The following SPDYA variants were observed in gnomAD, a reference collection of about 807,000 sequenced individuals.
SPDYA encodes the protein speedy/RINGO cell cycle regulator family member A, also known as speedy protein A.
In SPDYA, 11 loss-of-function variants were observed where a neutral mutation model predicts 36.7. The ratio of observed to expected loss-of-function variants is 0.30; its 90% CI spans 0.19 to 0.50. The LOEUF is 0.50. SPDYA is among the 20% of genes least tolerant of loss of function. The pLI, the probability that SPDYA is intolerant of heterozygous loss-of-function variation, is 0.98. For synonymous variants in SPDYA, 115 were observed against 118.7 expected, an observed-to-expected ratio of 0.97 and a Z score of 0.20; for missense variants, 287 against 370.9, an observed-to-expected ratio of 0.77 and a Z score of 1.86.
At chr2:28,832,018 A>C (rs1437813680) in intron 6 of SPDYA, among the ~76,000 whole-genome samples, 1 of 152,168 alleles carries the variant, frequency 6.6e-6, no homozygotes, top group African/African-American at 2.4e-5. Flanking sequence ...TTGCTCTAAG[A>C]TATCCATCAA....
chr2:28,827,705 G>A (rs189108825), intron 5 of SPDYA, among the ~76,000 whole-genome samples: 1 of 152,044 alleles, frequency 6.6e-6, no homozygotes, highest in Non-Finnish European at 1.5e-5. Context: ...CAATTTGATT[G>A]TGGTGTTCAC....
intron 4 of SPDYA, among the ~76,000 whole-genome samples, chr2:28,821,197 CTTTTTTTTTTTTT>C (rs11464702): frequency 1.0e-5 from 1 of 98,832 alleles, no homozygotes; most frequent in South Asian, 3.8e-4. Flanking sequence ...TTTTCTTTTT[CTTTTTTTTTTTTT>C]TTTTTTTGAG....
chr2:28,827,297 G>C (rs1438335977), intron 5 of SPDYA, among the ~76,000 whole-genome samples: 3 of 150,426 alleles, frequency 2.0e-5, no homozygotes, highest in Non-Finnish European at 4.4e-5. Flanking sequence ...CATTTATTTA[G>C]ACTTATCTCT....
rs377283695 is a variant in SPDYA, at chr2:28,850,208, T to C, written c.*267T>C. ...CTGTCATCTGGAGTACTCAGTTAAG[T>C]TGTGGTTTGACCTTCCTCAACTTGA... On this transcript the variant is annotated 3_prime_UTR_variant, in exon 8 of 8. Coordinates refer to ENST00000334056, the MANE Select transcript of SPDYA (RefSeq NM_182756.4). 3.5e-5 allele frequency: 56 copies of C among 1,611,824 alleles called. No individual in the cohort carries two copies. Among genetic ancestry groups the C allele is most frequent in the Non-Finnish European group, 4.6e-5 (54 of 1,179,054 alleles).
At position 28,850,577 on chromosome 2, in the gene SPDYA, G is replaced by C. The variant is rs1669044002; in HGVS notation, c.*636G>C. The stretch of plus-strand genomic sequence containing the variant: ...TATTATACAGAAACTATTTGTCAAT[G>C]ATTATGTAATAAACATATGATTTTA... On this transcript the variant is annotated 3_prime_UTR_variant, in exon 8 of 8. Transcript: ENST00000334056. The C allele has an allele frequency of 1.8e-6, 1 of 555,140 alleles. No homozygotes were observed. The highest frequency in any genetic ancestry group is 1.9e-5 in the African/African-American group (1 of 52,378). 34.4% of individuals were successfully genotyped at this position (555,140 alleles called of 1,614,324 possible). A position where few individuals can be genotyped will look rare whatever the true frequency, so the allele number is the denominator to read the frequency against.
intron 4 of SPDYA, among the ~76,000 whole-genome samples, chr2:28,819,849 A>AATAT (rs200009876): frequency 2.2e-3 from 40 of 17,784 alleles, no homozygotes; most frequent in African/African-American, 4.4e-3. Flanking sequence ...AAAAAAAAAA[A>AATAT]ATATATATAT....
At position 28,847,362 on chromosome 2, in the gene SPDYA, A is replaced by G. The variant is rs540702903; in HGVS notation, c.851-2488A>G. ...TGTCTCAAAACAAACAAACAAACAAACAAACACTTCAGAGCTTCTATATAG... is the reference window on the plus strand; with the variant it reads ...TGTCTCAAAACAAACAAACAAACAAGCAAACACTTCAGAGCTTCTATATAG... On this transcript the variant is annotated intron_variant, in intron 7 of 7. Transcript: ENST00000334056. Among the ~76,000 whole-genome samples, 7 of 151,278 alleles carry G rather than the reference A, an allele frequency of 4.6e-5. No homozygotes were observed. The South Asian group carries it at 1.3e-3, about 27-fold the overall frequency.
rs559672440 is a variant in SPDYA, at chr2:28,825,140, G to C, written c.380+2730G>C. 7.6e-4 allele frequency among the ~76,000 whole-genome samples: 116 copies of C among 152,092 alleles called. 2 individuals are homozygous for C. Among genetic ancestry groups the C allele is most frequent in the Non-Finnish European group, 1.3e-4 (9 of 67,992 alleles). On this transcript the variant is annotated intron_variant, in intron 5 of 7. Transcript: ENST00000334056. ...AAGCAGGGGCACAAACTCAGGAGTGGTTATCAATGACCAAATTCAGCCATC... is the reference window on the plus strand; with the variant it reads ...AAGCAGGGGCACAAACTCAGGAGTGCTTATCAATGACCAAATTCAGCCATC...
intron 5 of SPDYA, among the ~76,000 whole-genome samples, chr2:28,828,040 G>A (rs772010972): frequency 3.3e-5 from 5 of 151,888 alleles, no homozygotes; most frequent in Non-Finnish European, 5.9e-5. Context: ...CTGGAGTGCA[G>A]TGTTGCAATC....
rs577683252 is a variant in SPDYA at position 28,812,789 on chromosome 2, G to A, written c.-92-1824G>A. Reference sequence around the variant, plus strand: ...GGAGAATCGCTTGAACCCAGGAGGCGGAGGTTGCAGTGAGCCGAGATCGAG... The same window carrying A: ...GGAGAATCGCTTGAACCCAGGAGGCAGAGGTTGCAGTGAGCCGAGATCGAG... On this transcript the variant is annotated intron_variant, in intron 1 of 7. Coordinates refer to ENST00000334056, the MANE Select transcript of SPDYA (RefSeq NM_182756.4). Among the ~76,000 whole-genome samples the A allele has an allele frequency of 6.5e-3, 968 of 148,242 alleles. 6 individuals carry two copies. The highest frequency in any genetic ancestry group is 0.011 in the Non-Finnish European group (735 of 67,316).
chr2:28,816,673 T>C (rs1667989934), intron 3 of SPDYA, among the ~76,000 whole-genome samples: 1 of 152,196 alleles, frequency 6.6e-6, no homozygotes, highest in Non-Finnish European at 1.5e-5. Context: ...TTGGTCACAC[T>C]AGAGAAGTTT....
At chr2:28,838,227 G>T (rs986919347) in intron 6 of SPDYA, among the ~76,000 whole-genome samples, 6 of 147,872 alleles carry the variant, frequency 4.1e-5, no homozygotes. Context: ...TGTCACCCAG[G>T]CTGGAGTGTA....
intron 6 of SPDYA, among the ~76,000 whole-genome samples, chr2:28,834,708 G>A (rs1331257555): frequency 6.6e-6 from 1 of 152,180 alleles, no homozygotes; most frequent in Non-Finnish European, 1.5e-5. Context: ...AGTTGTTATG[G>A]GCTGAGAGAA....
intron 5 of SPDYA, among the ~76,000 whole-genome samples, chr2:28,828,787 A>T (rs1028509303): frequency 2.0e-4 from 30 of 152,334 alleles, no homozygotes; most frequent in Middle Eastern, 3.4e-3. Context: ...TAATTCATGG[A>T]GCATTGAGAA....
chr2:28,837,936 CCAAGTAT>C (rs1254238002), intron 6 of SPDYA, among the ~76,000 whole-genome samples: 1 of 151,444 alleles, frequency 6.6e-6, no homozygotes, highest in Admixed American at 6.6e-5. Flanking sequence ...AAACAGAGGG[CCAAGTAT>C]CAAATTTTAG....
At chr2:28,821,110 A>T (rs552511149) in intron 4 of SPDYA, among the ~76,000 whole-genome samples, 1 of 152,190 alleles carries the variant, frequency 6.6e-6, no homozygotes, top group South Asian at 2.1e-4. Flanking sequence ...TTACAATGTC[A>T]TAGAACTTTT....
chr2:28,819,532 A>T (rs989858552), intron 4 of SPDYA, among the ~76,000 whole-genome samples: 2 of 152,056 alleles, frequency 1.3e-5, no homozygotes, highest in Admixed American at 6.6e-5. Flanking sequence ...AAATTTAAAA[A>T]TTAAAAAAAT....
Position 28,850,249 on chromosome 2 carries a change from T to G in SPDYA, c.*308T>G. 1.9e-6 allele frequency: 3 copies of G among 1,610,868 alleles called. No individual in the cohort carries two copies. The highest frequency in any genetic ancestry group is 2.5e-6 in the Non-Finnish European group (3 of 1,178,332). On this transcript the variant is annotated 3_prime_UTR_variant, in exon 8 of 8. Transcript: ENST00000334056. The stretch of plus-strand genomic sequence containing the variant: ...CTCAACTTGACAAGAAAAGCTAATT[T>G]AAGAGAAGAAAAACATAAAGTCATT...
chr2:28,846,985 A>T (rs1252742312), intron 7 of SPDYA, among the ~76,000 whole-genome samples: 1 of 152,224 alleles, frequency 6.6e-6, no homozygotes, highest in East Asian at 1.9e-4. Context: ...AATGAATAAC[A>T]TAATTTCATT....
Sources: allele counts gnomAD v4.1 joint callset (sites outside exome capture counted in the v4.1 genomes callset), GRCh38; gene constraint gnomAD v4.1.1; transcripts MANE v1.5; gene names NCBI Gene and HGNC (gene_info 2026-07-23, HGNC 2026-07-21).